SCN10A: variants seen among roughly 807,000 people sequenced by gnomAD.
SCN10A encodes sodium channel protein type 10 subunit alpha.
In SCN10A, 162 loss-of-function variants were observed where a neutral mutation model predicts 170.7. That is an observed-to-expected ratio of 0.95 (90% CI 0.84 to 1.08). SCN10A has a LOEUF of 1.08. SCN10A is among the 50% of genes least tolerant of loss of function. SCN10A has a pLI of 0.00. For missense variants in SCN10A, 2,527 were observed against 2,436.9 expected (o/e 1.04, Z -0.78); for synonymous variants, 985 against 904.6 (o/e 1.09, Z -1.59).
chr3:38,710,045 G>C (rs1014629571), intron 24 of SCN10A, among the ~76,000 whole-genome samples: 4 of 152,210 alleles, frequency 2.6e-5, no homozygotes, highest in African/African-American at 9.6e-5. Flanking sequence ...CAGAAGTGCA[G>C]CCTGCAGGTG....
chr3:38,718,593 T>A, intron 21 of SCN10A, 60 bp downstream of exon 21: 1 of 1,570,772 alleles, frequency 6.4e-7, no homozygotes, highest in South Asian at 1.1e-5. Flanking sequence ...TTGCCCTAGC[T>A]GTAGCCAGGA....
chr3:38,779,095 A>T (rs1415870109), intron 4 of SCN10A, among the ~76,000 whole-genome samples: 1 of 82,746 alleles, frequency 1.2e-5, no homozygotes, highest in Non-Finnish European at 2.6e-5. Context: ...CTAGAAATTC[A>T]TCCTTAATTT....
At chr3:38,767,743 T>C (rs2063949236) in intron 5 of SCN10A, among the ~76,000 whole-genome samples, 3 of 152,294 alleles carry the variant, frequency 2.0e-5, no homozygotes, top group Middle Eastern at 6.8e-3. Flanking sequence ...TTTTTAAATA[T>C]CTGTTAAGTC....
chr3:38,755,734 C>T (rs1484799989), intron 11 of SCN10A, 54 bp downstream of exon 11: 2 of 1,598,620 alleles, frequency 1.3e-6, no homozygotes, highest in Non-Finnish European at 1.7e-6. Context: ...AACTCATTGT[C>T]TACGGCAGCT....
At chr3:38,709,081 C>T (rs2063242588) in intron 25 of SCN10A, among the ~76,000 whole-genome samples, 1 of 152,142 alleles carries the variant, frequency 6.6e-6, no homozygotes, top group Non-Finnish European at 1.5e-5. Context: ...GGGATTCTGC[C>T]AGTGCTGGGC....
rs766682646 is a variant in SCN10A, at chr3:38,752,484, C to T, written c.1490G>A (p.Arg497His). 8.7e-6 allele frequency: 14 copies of T among 1,600,782 alleles called. No individual in the cohort carries two copies. Among genetic ancestry groups the T allele is most frequent in the African/African-American group, 4.0e-5 (3 of 74,580 alleles). The change falls in exon 12 of 28, where the codon CGC becomes CAC. Residue 497 changes from arginine to histidine, a missense_variant. By Grantham distance (29) the Arg-to-His change is conservative. Transcript: ENST00000449082. ...MSFLGLASGK[R>H]RASHGSVFHF... ...GAACACACTGCCATGACTAGCCCGG[C>T]GTTTTCCAGAGGCGAGGCCTAGAAA... is the stretch of plus-strand genomic sequence containing the variant.
At chr3:38,707,677 G>A (rs771404139) in intron 25 of SCN10A, among the ~76,000 whole-genome samples, 1 of 152,194 alleles carries the variant, frequency 6.6e-6, no homozygotes, top group Admixed American at 6.5e-5. Flanking sequence ...CAAGGAGAAG[G>A]TACATGTTGG....
chr3:38,756,542 A>G (rs1433938129), intron 10 of SCN10A, 132 bp downstream of exon 10: 3 of 745,058 alleles, frequency 4.0e-6, no homozygotes, highest in East Asian at 2.4e-5. Context: ...CTGATCTAAT[A>G]TGGTCCCTGA....
chr3:38,773,337 C>T (rs975169784), intron 4 of SCN10A, among the ~76,000 whole-genome samples: 1 of 151,870 alleles, frequency 6.6e-6, no homozygotes. Context: ...ATGCTCCATT[C>T]AAACAAGAAA....
chr3:38,804,278 A>G (rs73826365), intron 1 of SCN10A, among the ~76,000 whole-genome samples: 16,077 of 152,152 alleles, frequency 0.11, 926 homozygotes, highest in South Asian at 0.19. Context: ...ATAATTACAT[A>G]GCTCATTCAA....
intron 15 of SCN10A, among the ~76,000 whole-genome samples, chr3:38,732,745 T>C (rs2063523865): frequency 6.6e-6 from 1 of 152,134 alleles, no homozygotes; most frequent in Non-Finnish European, 1.5e-5. Flanking sequence ...AGGGGAAGGG[T>C]TTATTAAACC....
chr3:38,749,720 A>G (rs967102713), intron 13 of SCN10A, among the ~76,000 whole-genome samples: 1 of 152,242 alleles, frequency 6.6e-6, no homozygotes, highest in African/African-American at 2.4e-5. Context: ...ATGTTGGAAA[A>G]TTAAGGATGG....
At chr3:38,799,795 G>A (rs1559472016) in intron 1 of SCN10A, among the ~76,000 whole-genome samples, 1 of 152,032 alleles carries the variant, frequency 6.6e-6, no homozygotes, top group Non-Finnish European at 1.5e-5. Flanking sequence ...GAACCATGTT[G>A]GCTGTGTTAC....
At chr3:38,704,300 G>T (rs1000051769) in intron 26 of SCN10A, among the ~76,000 whole-genome samples, 1 of 152,244 alleles carries the variant, frequency 6.6e-6, no homozygotes, top group African/African-American at 2.4e-5. Flanking sequence ...CCTGGGGCAG[G>T]AGGGGGATTG....
intron 4 of SCN10A, among the ~76,000 whole-genome samples, chr3:38,779,472 A>G (rs931187679): frequency 1.3e-5 from 2 of 152,028 alleles, no homozygotes; most frequent in Non-Finnish European, 2.9e-5. Context: ...TCTTGTGCAT[A>G]TTTTTACAAC....
intron 11 of SCN10A, among the ~76,000 whole-genome samples, chr3:38,755,447 C>T (rs80353453): frequency 1.6e-5 from 2 of 127,060 alleles, no homozygotes; most frequent in East Asian, 6.0e-4. Context: ...TCCTACAAAC[C>T]GGGGTTCTTC....
intron 13 of SCN10A, among the ~76,000 whole-genome samples, chr3:38,749,338 G>A (rs1487657041): frequency 2.0e-5 from 3 of 152,168 alleles, no homozygotes; most frequent in Admixed American, 2.0e-4. Context: ...AACTGGAAAT[G>A]ATGAAGGTTG....
At position 38,768,364 on chromosome 3, in the gene SCN10A, T is replaced by C. The variant is rs190568652; in HGVS notation, c.599+2915A>G. Among the ~76,000 whole-genome samples, 44 of 152,190 alleles carry C rather than the reference T, an allele frequency of 2.9e-4. No homozygotes were observed. In the East Asian group the frequency reaches 8.1e-3, roughly 28 times the overall value. On this transcript the variant is annotated intron_variant, in intron 5 of 27. Transcript: ENST00000449082. ...ATATTTATGCTTTAAGGAGGTTCTA[T>C]TTTGGTGTATTTTAAGGTTTTATTT... is the stretch of plus-strand genomic sequence containing the variant.
At chr3:38,747,961 G>A (rs181014358) in intron 13 of SCN10A, among the ~76,000 whole-genome samples, 261 of 152,176 alleles carry the variant, frequency 1.7e-3, no homozygotes, top group African/African-American at 5.8e-3. Context: ...TAGATTCCAT[G>A]AGCGCAAGCT....
Sources: allele counts gnomAD v4.1 joint callset (sites outside exome capture counted in the v4.1 genomes callset), GRCh38; gene constraint gnomAD v4.1.1; transcripts MANE v1.5; gene names NCBI Gene and HGNC (gene_info 2026-07-23, HGNC 2026-07-21).